Variants in ECHS1 observed in about 807,000 individuals in gnomAD.
ECHS1 encodes the protein enoyl-CoA hydratase, short chain 1, also known as enoyl-CoA hydratase, mitochondrial.
ECHS1 carries 19 observed loss-of-function variants against 33.5 expected under a neutral mutation model. The ratio of observed to expected loss-of-function variants is 0.57; its 90% confidence interval spans 0.40 to 0.83. The LOEUF is 0.83. ECHS1 is among the 40% of genes least tolerant of loss of function. The pLI is 0.00. For synonymous variants in ECHS1, 158 were observed against 146.6 expected, an observed-to-expected ratio of 1.08 and a Z score of -0.56; for missense variants, 365 against 381.3, an observed-to-expected ratio of 0.96 and a Z score of 0.36.
rs1019409117 is a variant in ECHS1, at chr10:133,364,818, A to G, written c.740-93T>C. ...GGAAGCCCTCCTCACTGACCCATGC[A>G]CAACTGTGCTTTCGACGTGGCCCAG... On this transcript the variant is annotated intron_variant, in intron 6 of 7. Coordinates refer to ENST00000368547, the MANE Select transcript of ECHS1 (RefSeq NM_004092.4). 6.0e-6 allele frequency: 6 copies of G among 998,792 alleles called. No homozygotes were observed. The Admixed American group carries it at 1.1e-4, about 18-fold the overall frequency. 61.9% of individuals were successfully genotyped at this position (998,792 alleles called of 1,614,324 possible).
chr10:133,370,421 C>A, intron 2 of ECHS1, 139 bp downstream of exon 2: 1 of 990,814 alleles, frequency 1.0e-6, no homozygotes, highest in Middle Eastern at 3.3e-4. Context: ...CCATGACCGT[C>A]TTCACTCGAT....
In ECHS1 at chr10:133,367,041, A is replaced by G. The variant is rs567889575; in HGVS notation, c.515-48T>C. The G allele has an allele frequency of 3.2e-4, 467 of 1,471,104 alleles. 7 individuals carry two copies. In the South Asian group the frequency reaches 5.1e-3, roughly 16 times the overall value. 91.1% of individuals were successfully genotyped at this position (1,471,104 alleles called of 1,614,324 possible). A position where few individuals can be genotyped will look rare whatever the true frequency, so the allele number is the denominator to read the frequency against. ...GCTGGCACTGTGATGAGTGAACCCA[A>G]GAAGACATCACAGCTGTGCAGCCAG... is the stretch of plus-strand genomic sequence containing the variant. On this transcript the variant is annotated intron_variant, in intron 4 of 7. Transcript: ENST00000368547.
chr10:133,372,577 C>T (rs1450173649), intron 1 of ECHS1, among the ~76,000 whole-genome samples: 1 of 152,116 alleles, frequency 6.6e-6, no homozygotes, highest in African/African-American at 2.4e-5. Context: ...CCCCACCCTG[C>T]GCCCAGTTGG....
intron 4 of ECHS1, 29 bp downstream of exon 4, chr10:133,368,894 T>G (rs757249607): frequency 6.3e-7 from 1 of 1,599,146 alleles, no homozygotes; most frequent in Non-Finnish European, 8.6e-7. Flanking sequence ...ACCTAAGGCA[T>G]CTATGCCAGA....
Position 133,366,113 on chromosome 10 carries a change from C to G in ECHS1, c.620-18G>C. 1.2e-6 allele frequency: 2 copies of G among 1,611,170 alleles called. No individual in the cohort carries two copies. Among genetic ancestry groups the G allele is most frequent in the East Asian group, 2.2e-5 (1 of 44,838 alleles). On this transcript the variant is annotated intron_variant, in intron 5 of 7. Transcript: ENST00000368547. ...GACAAGACCTGAAACACAAGAAAGT[C>G]AGTGAGTGATGTGCAGAAACAGCAC...
chr10:133,366,760 G>T, intron 5 of ECHS1, 129 bp downstream of exon 5: 1 of 666,802 alleles, frequency 1.5e-6, no homozygotes. Context: ...CCATGAGGGG[G>T]ACACCTGGAT....
At chr10:133,364,091 C>A (rs547157708) in intron 7 of ECHS1, among the ~76,000 whole-genome samples, 2 of 151,972 alleles carry the variant, frequency 1.3e-5, no homozygotes, top group Non-Finnish European at 2.9e-5. Context: ...ATTACAGGCA[C>A]CTGCCACCAC....
intron 6 of ECHS1, 39 bp from the exon 7 acceptor site, chr10:133,364,764 A>G (rs779136757): frequency 6.5e-7 from 1 of 1,542,176 alleles, no homozygotes; most frequent in Non-Finnish European, 9.0e-7. Flanking sequence ...CGGAGATATT[A>G]CATGCAGAAC....
intron 1 of ECHS1, among the ~76,000 whole-genome samples, chr10:133,372,008 G>C (rs1334632473): frequency 6.6e-6 from 1 of 152,174 alleles, no homozygotes; most frequent in Non-Finnish European, 1.5e-5. Flanking sequence ...TGTTGGCCAA[G>C]GTGGTCTTGA....
At chr10:133,367,675 C>G (rs1849051035) in intron 4 of ECHS1, among the ~76,000 whole-genome samples, 1 of 151,760 alleles carries the variant, frequency 6.6e-6, no homozygotes, top group South Asian at 2.1e-4. Flanking sequence ...GGAGGCCTAA[C>G]CCCCTCCCTG....
In ECHS1 at chr10:133,363,178, C is replaced by G. The variant is rs533652520; in HGVS notation, c.808-245G>C. On this transcript the variant is annotated intron_variant, in intron 7 of 7. Transcript: ENST00000368547. ...TTCAGGAGCCACTGTGTATGTCCAA[C>G]AAGCTCACATCTAAAGAGCCTCAGA... is the stretch of plus-strand genomic sequence containing the variant. Among the ~76,000 whole-genome samples, 3 of 152,352 alleles carry G rather than the reference C, an allele frequency of 2.0e-5. No homozygotes were observed. In the South Asian group the frequency reaches 6.2e-4, roughly 32 times the overall value.
chr10:133,370,226 G>A (rs1200466120), intron 2 of ECHS1, among the ~76,000 whole-genome samples, 195 bp from the exon 3 acceptor site: 3 of 152,250 alleles, frequency 2.0e-5, no homozygotes, highest in South Asian at 2.1e-4. Flanking sequence ...ACGCAGAGGG[G>A]CCCTGAGGCA....
intron 5 of ECHS1, among the ~76,000 whole-genome samples, chr10:133,366,475 G>A (rs1298100614): frequency 6.6e-6 from 1 of 152,262 alleles, no homozygotes; most frequent in Non-Finnish European, 1.5e-5. Flanking sequence ...ACTTACGTGT[G>A]GTTCACTTCC....
intron 1 of ECHS1, 29 bp downstream of exon 1, chr10:133,373,217 C>T (rs1293468198): frequency 1.4e-6 from 2 of 1,402,790 alleles, no homozygotes; most frequent in Middle Eastern, 2.0e-4. Flanking sequence ...GGAGGAGATT[C>T]GGGCCGCCAG....
At chr10:133,367,253 C>T (rs531045608) in intron 4 of ECHS1, among the ~76,000 whole-genome samples, 129 of 151,878 alleles carry the variant, frequency 8.5e-4, no homozygotes, top group South Asian at 1.9e-3. Flanking sequence ...CAAACTGTTT[C>T]GGTATAATAA....
chr10:133,370,807 G>T, intron 1 of ECHS1, 50 bp from the exon 2 acceptor site: 1 of 1,550,524 alleles, frequency 6.4e-7, no homozygotes. Context: ...GTATCAAACT[G>T]GGGAGAGTGG....
intron 1 of ECHS1, among the ~76,000 whole-genome samples, chr10:133,372,690 G>A (rs1215638607): frequency 6.7e-6 from 1 of 149,760 alleles, no homozygotes; most frequent in Non-Finnish European, 1.5e-5. Flanking sequence ...GGGGGTGGGG[G>A]TGCGGGCCAG....
chr10:133,364,637 G>A (rs149814422), intron 7 of ECHS1, 21 bp downstream of exon 7: 834 of 1,593,298 alleles, frequency 5.2e-4, no homozygotes, highest in African/African-American at 1.6e-3. Flanking sequence ...TTGATTCTCC[G>A]GTTGAACACT....
At chr10:133,370,965 G>A (rs1849100354) in intron 1 of ECHS1, among the ~76,000 whole-genome samples, 2 of 152,188 alleles carry the variant, frequency 1.3e-5, no homozygotes, top group Non-Finnish European at 2.9e-5. Flanking sequence ...GCTTTCACAT[G>A]TGTTTGAACA....
Sources: allele counts gnomAD v4.1 joint callset (sites outside exome capture counted in the v4.1 genomes callset), GRCh38; gene constraint gnomAD v4.1.1; transcripts MANE v1.5; gene names NCBI Gene and HGNC (gene_info 2026-07-23, HGNC 2026-07-21).